The following ALDH1A2 variants were observed in gnomAD, a reference collection of about 807,000 sequenced individuals.
ALDH1A2 encodes retinal dehydrogenase 2.
In ALDH1A2, 27 loss-of-function variants were observed where a neutral mutation model predicts 60.3. The observed-to-expected ratio is 0.45, with a 90% confidence interval of 0.33 to 0.62. The LOEUF (loss-of-function observed/expected upper bound fraction) is 0.62. Among genes scored for constraint, ALDH1A2 ranks in the 20% least tolerant of loss-of-function variants. The probability of loss-of-function intolerance (pLI) is 0.02; values close to 1 mark genes in which losing one functional copy is unlikely to be tolerated. For missense variants in ALDH1A2, 581 were observed against 643.8 expected, an observed-to-expected ratio of 0.90 and a Z score of 1.06; for synonymous variants, 289 against 232.4, an observed-to-expected ratio of 1.24 and a Z score of -2.21.
chr15:57,973,451 T>TAATC (rs1894137909), intron 7 of ALDH1A2, among the ~76,000 whole-genome samples: 1 of 152,172 alleles, frequency 6.6e-6, no homozygotes, highest in Non-Finnish European at 1.5e-5. Flanking sequence ...CTCCCTAAGG[T>TAATC]AATCACAGCA....
chr15:57,995,904 T>C (rs1430167579), intron 4 of ALDH1A2, among the ~76,000 whole-genome samples: 5 of 152,148 alleles, frequency 3.3e-5, no homozygotes, highest in Non-Finnish European at 7.4e-5. Context: ...GAAAATGTCA[T>C]TGCTTTTATC....
chr15:57,982,449 T>C (rs1309499818), intron 7 of ALDH1A2, among the ~76,000 whole-genome samples: 2 of 152,208 alleles, frequency 1.3e-5, no homozygotes, highest in African/African-American at 4.8e-5. Flanking sequence ...ACTATAGAGT[T>C]GTGATATACT....
At chr15:58,051,260 A>C (rs527481517) in intron 1 of ALDH1A2, among the ~76,000 whole-genome samples, 151 of 152,294 alleles carry the variant, frequency 9.9e-4, no homozygotes, top group Non-Finnish European at 1.6e-3. Context: ...CTGTGATGAT[A>C]AACTAATAAG....
intron 1 of ALDH1A2, among the ~76,000 whole-genome samples, chr15:58,026,894 C>T (rs1411832276): frequency 2.6e-5 from 4 of 152,208 alleles, no homozygotes; most frequent in Admixed American, 1.3e-4. Flanking sequence ...GAGCCCACTA[C>T]AGCTCAGCAA....
At chr15:57,968,637 T>TA (rs1414692446) in intron 7 of ALDH1A2, among the ~76,000 whole-genome samples, 3 of 152,230 alleles carry the variant, frequency 2.0e-5, no homozygotes, top group African/African-American at 7.2e-5. Context: ...TTACAAAACT[T>TA]AGATTCTGCC....
At chr15:57,995,214 CTG>C in intron 4 of ALDH1A2, 75 bp from the exon 5 acceptor site, 2 of 431,662 alleles carry the variant, frequency 4.6e-6, no homozygotes, top group East Asian at 5.0e-5. Context: ...ACTTTGGTGG[CTG>C]CAAAAAAAAA....
chr15:58,020,731 A>G lies in ALDH1A2; in HGVS notation c.118-6450T>C, dbSNP rs979251656. ...TTTCATTTTCTTGATCAAATGTAGT[A>G]TTTATTTGATGCAGGTTTCTGTGTT... On this transcript the variant is annotated intron_variant, in intron 1 of 12. Transcript: ENST00000249750. 3.3e-5 allele frequency among the ~76,000 whole-genome samples: 5 copies of G among 152,218 alleles called. No individual in the cohort carries two copies. In the East Asian group the frequency reaches 7.7e-4, roughly 24 times the overall value.
intron 1 of ALDH1A2, among the ~76,000 whole-genome samples, chr15:58,055,974 T>C (rs968413394): frequency 2.0e-5 from 3 of 152,054 alleles, no homozygotes; most frequent in Non-Finnish European, 4.4e-5. Context: ...CAGCACAGAG[T>C]GAATAATTCA....
chr15:58,041,147 C>G (rs775431768), intron 1 of ALDH1A2, among the ~76,000 whole-genome samples: 1 of 151,850 alleles, frequency 6.6e-6, no homozygotes, highest in Non-Finnish European at 1.5e-5. Context: ...AATCTGATCC[C>G]AAACAATCTC....
chr15:58,055,914 TTC>T (rs1595695044), intron 1 of ALDH1A2, among the ~76,000 whole-genome samples: 1 of 149,328 alleles, frequency 6.7e-6, no homozygotes, highest in African/African-American at 2.5e-5. Flanking sequence ...CTTTTAGAAA[TTC>T]TTTTTAAATT....
intron 1 of ALDH1A2, among the ~76,000 whole-genome samples, chr15:58,032,435 A>T (rs1167828461): frequency 6.6e-6 from 1 of 152,134 alleles, no homozygotes; most frequent in Non-Finnish European, 1.5e-5. Flanking sequence ...CAGCACACCA[A>T]CATGGCACAT....
intron 1 of ALDH1A2, among the ~76,000 whole-genome samples, chr15:58,022,880 T>A (rs1476172573): frequency 6.6e-6 from 1 of 151,712 alleles, no homozygotes; most frequent in African/African-American, 2.4e-5. Flanking sequence ...TGAAAGTAAA[T>A]TCAAAAATAG....
intron 4 of ALDH1A2, among the ~76,000 whole-genome samples, chr15:58,007,180 A>G (rs76161105): frequency 0.014 from 2,119 of 152,128 alleles, 57 homozygotes; most frequent in African/African-American, 0.047. Flanking sequence ...TCTGATCAGC[A>G]GACAAGAATG....
intron 1 of ALDH1A2, among the ~76,000 whole-genome samples, chr15:58,059,492 G>C (rs544871845): frequency 1.3e-5 from 2 of 152,146 alleles, no homozygotes; most frequent in Non-Finnish European, 2.9e-5. Context: ...CCTTCCCACT[G>C]TCAAAAGGTA....
At chr15:58,010,151 C>G (rs1250027219) in intron 4 of ALDH1A2, among the ~76,000 whole-genome samples, 1 of 151,884 alleles carries the variant, frequency 6.6e-6, no homozygotes, top group Non-Finnish European at 1.5e-5. Context: ...CACGGCCGTT[C>G]GAGAAATATA....
At chr15:57,997,335 T>C (rs982974766) in intron 4 of ALDH1A2, among the ~76,000 whole-genome samples, 24 of 152,012 alleles carry the variant, frequency 1.6e-4, no homozygotes, top group Non-Finnish European at 4.4e-5. Context: ...GCAACACCAC[T>C]GATCAATAAG....
chr15:57,991,119 G>C (rs1894882394), intron 7 of ALDH1A2, among the ~76,000 whole-genome samples: 1 of 152,010 alleles, frequency 6.6e-6, no homozygotes, highest in Non-Finnish European at 1.5e-5. Flanking sequence ...GTGAAGTAAG[G>C]ACTTAAGAAC....
intron 7 of ALDH1A2, among the ~76,000 whole-genome samples, chr15:57,985,355 C>G (rs1363342370): frequency 6.6e-6 from 1 of 152,124 alleles, no homozygotes; most frequent in Non-Finnish European, 1.5e-5. Flanking sequence ...GATAGACCAC[C>G]CAACCCCTAG....
intron 1 of ALDH1A2, among the ~76,000 whole-genome samples, chr15:58,064,569 T>C (rs948770321): frequency 1.2e-4 from 19 of 152,166 alleles, no homozygotes; most frequent in Non-Finnish European, 2.5e-4. Flanking sequence ...TTTGCGTTAA[T>C]TGGGAGAAGT....
Sources: allele counts gnomAD v4.1 joint callset (sites outside exome capture counted in the v4.1 genomes callset), GRCh38; gene constraint gnomAD v4.1.1; transcripts MANE v1.5; gene names NCBI Gene and HGNC (gene_info 2026-07-23, HGNC 2026-07-21).